The following KCNH1 variants were observed in gnomAD, a reference collection of about 807,000 sequenced individuals.
KCNH1 encodes voltage-gated delayed rectifier potassium channel KCNH1.
A neutral mutation model predicts 69.2 loss-of-function variants in KCNH1; 27 were observed. The observed-to-expected ratio is 0.39, with a 90% CI of 0.29 to 0.54. The LOEUF (loss-of-function observed/expected upper bound fraction) is 0.54. KCNH1 is among the 20% of genes least tolerant of loss of function. The pLI, the probability that KCNH1 is intolerant of heterozygous loss-of-function variation, is 0.68. For synonymous variants in KCNH1, 456 were observed against 487.7 expected (o/e 0.93, Z 0.86); for missense variants, 798 against 1,261.6 (o/e 0.63, Z 5.57).
intron 7 of KCNH1, among the ~76,000 whole-genome samples, chr1:210,846,769 A>T (rs1276127602): frequency 6.6e-6 from 1 of 151,922 alleles, no homozygotes; most frequent in East Asian, 1.9e-4. Context: ...ACAGCAAAAG[A>T]AACTACCATC....
chr1:210,978,131 C>G (rs1165161262), intron 6 of KCNH1, among the ~76,000 whole-genome samples: 4 of 151,622 alleles, frequency 2.6e-5, no homozygotes, highest in Admixed American at 2.6e-4. Flanking sequence ...CTCCGCCTCC[C>G]TGGTTCACGC....
intron 10 of KCNH1, among the ~76,000 whole-genome samples, chr1:210,722,672 T>C (rs1574211181): frequency 6.6e-6 from 1 of 152,202 alleles, no homozygotes; most frequent in East Asian, 1.9e-4. Context: ...CTCCTGGGGA[T>C]TTGATTTAAC....
chr1:211,035,480 C>A (rs1297977647), intron 5 of KCNH1, among the ~76,000 whole-genome samples: 4 of 151,466 alleles, frequency 2.6e-5, no homozygotes, highest in Non-Finnish European at 4.4e-5. Flanking sequence ...GATCTCCTGA[C>A]CTCGTGATCC....
intron 7 of KCNH1, among the ~76,000 whole-genome samples, chr1:210,903,829 T>C (rs367652459): frequency 2.0e-5 from 3 of 152,166 alleles, no homozygotes; most frequent in African/African-American, 7.2e-5. Flanking sequence ...ACTTTACCTA[T>C]CATCAGGTGG....
chr1:210,776,916 G>A (rs1683872173), intron 9 of KCNH1, among the ~76,000 whole-genome samples: 1 of 152,134 alleles, frequency 6.6e-6, no homozygotes, highest in Non-Finnish European at 1.5e-5. Flanking sequence ...CATAGCCTCT[G>A]GTTATAAATA....
At chr1:210,812,997 T>C (rs1301148660) in intron 7 of KCNH1, among the ~76,000 whole-genome samples, 1 of 152,174 alleles carries the variant, frequency 6.6e-6, no homozygotes, top group Non-Finnish European at 1.5e-5. Context: ...TTCCTGTCAA[T>C]CTAATAAAAA....
intron 7 of KCNH1, among the ~76,000 whole-genome samples, chr1:210,824,047 C>A (rs535416108): frequency 6.6e-6 from 1 of 152,100 alleles, no homozygotes; most frequent in Non-Finnish European, 1.5e-5. Context: ...GCAATCCTCC[C>A]ACCTTGGCCT....
At chr1:210,860,420 C>T in intron 7 of KCNH1, 2 of 1,025,346 alleles carry the variant, frequency 2.0e-6, no homozygotes, top group Middle Eastern at 3.0e-4. Flanking sequence ...TCTTCAACTA[C>T]ACTAAGAAGT....
rs189044929 is a variant in KCNH1 at position 210,976,149 on chromosome 1, G to A, written c.1032+42634C>T. ...GAAATAGGAACATTTTACACTTTTG[G>A]TGGGACTGTAAACGAGTTCAACCAT... On this transcript the variant is annotated intron_variant, in intron 6 of 10. Coordinates refer to ENST00000271751, the MANE Select transcript of KCNH1 (RefSeq NM_172362.3). 3.4e-4 allele frequency among the ~76,000 whole-genome samples: 51 copies of A among 152,208 alleles called. 1 individual carries two copies. Among genetic ancestry groups the A allele is most frequent in the African/African-American group, 1.2e-3 (51 of 41,500 alleles).
At chr1:210,808,314 A>G (rs938652245) in intron 7 of KCNH1, among the ~76,000 whole-genome samples, 2 of 152,156 alleles carry the variant, frequency 1.3e-5, no homozygotes, top group African/African-American at 2.4e-5. Context: ...CCAAATCAAT[A>G]TAGTAAGAAT....
intron 5 of KCNH1, among the ~76,000 whole-genome samples, chr1:211,066,541 A>C (rs1011863779): frequency 1.3e-5 from 2 of 152,202 alleles, no homozygotes; most frequent in African/African-American, 4.8e-5. Flanking sequence ...AAGTGTCACT[A>C]ACTCATTCCA....
intron 5 of KCNH1, among the ~76,000 whole-genome samples, chr1:211,034,001 G>A (rs1689847791): frequency 6.6e-6 from 1 of 152,066 alleles, no homozygotes; most frequent in South Asian, 2.1e-4. Context: ...ATGTAAAATG[G>A]TGCGGGCACT....
chr1:210,825,060 T>C (rs1685007238), intron 7 of KCNH1, among the ~76,000 whole-genome samples: 1 of 152,216 alleles, frequency 6.6e-6, no homozygotes. Context: ...TTGAAAGCCT[T>C]AATTTTATCA....
At chr1:210,863,595 A>C (rs1686029601) in intron 7 of KCNH1, among the ~76,000 whole-genome samples, 1 of 152,188 alleles carries the variant, frequency 6.6e-6, no homozygotes, top group Non-Finnish European at 1.5e-5. Flanking sequence ...GATTTTATGG[A>C]ATGTTTCCAC....
rs1015277810 is a variant in KCNH1 at position 211,051,225 on chromosome 1, C to T, written c.558+31555G>A. 7.2e-5 allele frequency among the ~76,000 whole-genome samples: 11 copies of T among 152,174 alleles called. No individual in the cohort carries two copies. The South Asian group carries it at 2.1e-3, about 29-fold the overall frequency. ...GTTGGCCATGCTGATCTCAAGCTCT[C>T]GATCTCAGGTGATCTGCCCACCTCG... On this transcript the variant is annotated intron_variant, in intron 5 of 10. Coordinates refer to ENST00000271751, the MANE Select transcript of KCNH1 (RefSeq NM_172362.3).
intron 6 of KCNH1, among the ~76,000 whole-genome samples, chr1:210,928,728 G>GA (rs1175662991): frequency 9.2e-5 from 14 of 151,478 alleles, no homozygotes; most frequent in Non-Finnish European, 4.4e-5. Flanking sequence ...TGAAACAAAA[G>GA]AAAAAAGATG....
Position 210,684,082 on chromosome 1 carries a change from T to C in KCNH1, c.2169A>G (p.Arg723=), listed in dbSNP as rs537008166. Residue 723 remains arginine (R), a synonymous_variant, in exon 11 of 11, where the codon CGA becomes CGG. Transcript: ENST00000271751. ...GCAAGATCAGGGGGGCCTCATTCTT[T>C]CGTTTCATGCGTTCTTCCTCTTCAC... ...VKREEEERMK[R]KNEAPLILPP... is the part of the protein sequence containing the mutation. 10 of 1,518,642 alleles carry C rather than the reference T, an allele frequency of 6.6e-6. No homozygotes were observed. In the South Asian group the frequency reaches 6.6e-5, roughly 10 times the overall value. 94.1% of individuals were successfully genotyped at this position (1,518,642 alleles called of 1,614,324 possible). A position where few individuals can be genotyped will look rare whatever the true frequency, so the allele number is the denominator to read the frequency against.
chr1:210,754,110 G>A (rs374667078), intron 10 of KCNH1, among the ~76,000 whole-genome samples: 2 of 151,626 alleles, frequency 1.3e-5, no homozygotes, highest in East Asian at 1.9e-4. Flanking sequence ...TAGTAGAGAC[G>A]GGGTTTCACC....
At chr1:210,916,974 C>T (rs1225136887) in intron 7 of KCNH1, among the ~76,000 whole-genome samples, 2 of 151,838 alleles carry the variant, frequency 1.3e-5, no homozygotes, top group African/African-American at 2.4e-5. Context: ...ATGGTGAAAC[C>T]CCATCTCCAC....
Sources: allele counts gnomAD v4.1 joint callset (sites outside exome capture counted in the v4.1 genomes callset), GRCh38; gene constraint gnomAD v4.1.1; transcripts MANE v1.5; gene names NCBI Gene and HGNC (gene_info 2026-07-23, HGNC 2026-07-21).